Variants in BTBD7 observed in about 807,000 individuals in gnomAD.
BTBD7 encodes the protein BTB/POZ domain-containing protein 7.
BTBD7 carries 38 observed loss-of-function variants against 99.9 expected under a neutral mutation model. That is an observed-to-expected ratio of 0.38 (90% CI 0.29 to 0.50). The LOEUF (loss-of-function observed/expected upper bound fraction) is 0.50. Ranked by LOEUF, BTBD7 falls within the 20% of genes least tolerant of loss-of-function variation. The pLI is 0.93. For missense variants in BTBD7, 1,170 were observed against 1,394.6 expected (o/e 0.84, Z 2.57); for synonymous variants, 520 against 511.4 (o/e 1.02, Z -0.23).
chr14:93,294,960 G>GA, intron 2 of BTBD7, 23 bp from the exon 3 acceptor site: 1 of 1,509,856 alleles, frequency 6.6e-7, no homozygotes, highest in East Asian at 2.3e-5. Context: ...TTAAACAAAT[G>GA]AAAATTTATT....
At chr14:93,261,570 G>GT (rs1338535928) in intron 5 of BTBD7, 32 bp downstream of exon 5, 1 of 1,523,508 alleles carries the variant, frequency 6.6e-7, no homozygotes, top group Non-Finnish European at 9.1e-7. Context: ...TTTACACAAG[G>GT]TAACTAGTGC....
intron 2 of BTBD7, among the ~76,000 whole-genome samples, chr14:93,295,687 TATGTAC>T (rs2052916902): frequency 6.6e-6 from 1 of 152,170 alleles, no homozygotes; most frequent in Non-Finnish European, 1.5e-5. Context: ...ACACAGGAAA[TATGTAC>T]TTCGCTGTTT....
intron 3 of BTBD7, chr14:93,288,295 C>T: frequency 5.2e-6 from 3 of 571,438 alleles, no homozygotes; most frequent in South Asian, 2.4e-5. Flanking sequence ...GATGTTAGAC[C>T]CTGGATGAAT....
At chr14:93,327,768 T>C (rs1195169249) in intron 1 of BTBD7, among the ~76,000 whole-genome samples, 1 of 152,104 alleles carries the variant, frequency 6.6e-6, no homozygotes, top group Non-Finnish European at 1.5e-5. Flanking sequence ...GTACCGGAAG[T>C]CCTAGCTGAG....
chr14:93,245,442 G>A (rs1432670981), intron 10 of BTBD7, among the ~76,000 whole-genome samples: 7 of 152,210 alleles, frequency 4.6e-5, no homozygotes, highest in African/African-American at 9.6e-5. Flanking sequence ...TCCGATTAAA[G>A]CATGTGGTAG....
intron 1 of BTBD7, among the ~76,000 whole-genome samples, chr14:93,300,173 G>A (rs142853993): frequency 0.012 from 1,879 of 151,880 alleles, 23 homozygotes; most frequent in Non-Finnish European, 0.016. Context: ...TAAGAACGTC[G>A]AAACAGAGTT....
intron 3 of BTBD7, among the ~76,000 whole-genome samples, chr14:93,273,934 A>C (rs1219428746): frequency 6.6e-6 from 1 of 152,216 alleles, no homozygotes; most frequent in Admixed American, 6.5e-5. Flanking sequence ...GATGAGGTGC[A>C]AGGTCTGTGG....
At chr14:93,267,543 C>T (rs1158556054) in intron 3 of BTBD7, among the ~76,000 whole-genome samples, 7 of 152,216 alleles carry the variant, frequency 4.6e-5, no homozygotes, top group African/African-American at 1.7e-4. Flanking sequence ...GCCTTCACCT[C>T]ATTATATCCC....
At chr14:93,283,327 C>T (rs1306991045) in intron 3 of BTBD7, among the ~76,000 whole-genome samples, 2 of 152,200 alleles carry the variant, frequency 1.3e-5, no homozygotes, top group African/African-American at 2.4e-5. Context: ...ATCCATCCGC[C>T]ATGGCCTCCC....
At chr14:93,330,241 C>A (rs114504530) in intron 1 of BTBD7, among the ~76,000 whole-genome samples, 165 of 152,336 alleles carry the variant, frequency 1.1e-3, no homozygotes, top group African/African-American at 3.8e-3. Flanking sequence ...TCAAACTCTT[C>A]TACAGACAAA....
chr14:93,290,728 T>C (rs1236438232), intron 3 of BTBD7, among the ~76,000 whole-genome samples: 1 of 151,786 alleles, frequency 6.6e-6, no homozygotes, highest in Admixed American at 6.6e-5. Flanking sequence ...ACTCACTCTG[T>C]CGCCCAGGCT....
chr14:93,270,646 G>C (rs1227236822), intron 3 of BTBD7, among the ~76,000 whole-genome samples: 1 of 151,712 alleles, frequency 6.6e-6, no homozygotes, highest in Non-Finnish European at 1.5e-5. Context: ...AGTGAGCCGA[G>C]GTTGTGCCAC....
chr14:93,279,151 T>G lies in BTBD7; in HGVS notation c.1162+14707A>C, dbSNP rs113545498. Among the ~76,000 whole-genome samples, 321 of 152,298 alleles carry G rather than the reference T, an allele frequency of 2.1e-3. 5 individuals carry two copies. In the East Asian group the frequency reaches 0.023, roughly 11 times the overall value. ...AAAGAGAGCTTTTAGAAAATACAAA[T>G]GTAATCAGGCCACAAGATTTATGAT... On this transcript the variant is annotated intron_variant, in intron 3 of 10. Coordinates refer to ENST00000334746, the MANE Select transcript of BTBD7 (RefSeq NM_001002860.4).
Position 93,312,127 on chromosome 14 carries a change from TTAAG to T in BTBD7, c.-106-15974_-106-15971del, listed in dbSNP as rs760017483. ...TTCCCTACTATGAGCAATGCTGAAATTAAGTTAGTAACTTCCTTCTCCTGTCTCT... is the reference window on the plus strand; with the variant it reads ...TTCCCTACTATGAGCAATGCTGAAATTTAGTAACTTCCTTCTCCTGTCTCT... On this transcript the variant is annotated intron_variant, in intron 1 of 10. Transcript: ENST00000334746. Among the ~76,000 whole-genome samples, 108 of 152,318 alleles carry T rather than the reference TTAAG, an allele frequency of 7.1e-4. 2 individuals carry two copies. The highest frequency in any genetic ancestry group is 8.8e-5 in the Non-Finnish European group (6 of 68,032).
At chr14:93,278,541 T>A (rs1192105079) in intron 3 of BTBD7, among the ~76,000 whole-genome samples, 1 of 152,204 alleles carries the variant, frequency 6.6e-6, no homozygotes, top group Non-Finnish European at 1.5e-5. Context: ...CTCTTCCCCC[T>A]ACCTGTGGAA....
Position 93,241,148 on chromosome 14 carries a change from CTTT to C in BTBD7, c.*1122_*1124del, listed in dbSNP as rs36076608. 8.3e-4 allele frequency: 116 copies of C among 139,762 alleles called. No homozygotes were observed. Among genetic ancestry groups the C allele is most frequent in the Middle Eastern group, 3.7e-3 (1 of 268 alleles). 8.7% of individuals were successfully genotyped at this position (139,762 alleles called of 1,614,324 possible). A position where few individuals can be genotyped will look rare whatever the true frequency, so the allele number is the denominator to read the frequency against. On this transcript the variant is annotated 3_prime_UTR_variant, in exon 11 of 11. Coordinates refer to ENST00000334746, the MANE Select transcript of BTBD7 (RefSeq NM_001002860.4). ...TAAGTTACTTCTCTATTTCCACTGC[CTTT>C]TTTTTTTTTTTTGAGACAGGGTCTC...
Position 93,315,797 on chromosome 14 carries a change from T to C in BTBD7, c.-107+17023A>G, listed in dbSNP as rs115681767. Among the ~76,000 whole-genome samples, 1,425 of 152,316 alleles carry C rather than the reference T, an allele frequency of 9.4e-3. 28 individuals are homozygous for C. Among genetic ancestry groups the C allele is most frequent in the African/African-American group, 0.033 (1,365 of 41,568 alleles). On this transcript the variant is annotated intron_variant, in intron 1 of 10. Transcript: ENST00000334746. Reference sequence around the variant, plus strand: ...ATTGTATGGATATACCACATTGTATTTGATTTATTCATTCATCCATCCATC... The same window carrying C: ...ATTGTATGGATATACCACATTGTATCTGATTTATTCATTCATCCATCCATC...
At chr14:93,257,131 G>T in intron 6 of BTBD7, 64 bp downstream of exon 6, 1 of 1,507,042 alleles carries the variant, frequency 6.6e-7, no homozygotes, top group Non-Finnish European at 9.1e-7. Flanking sequence ...TATTTACAAT[G>T]AATAAAAACA....
rs768977072 is a variant in BTBD7 at position 93,242,260 on chromosome 14, T to G, written c.*13A>C. ...GTTTCACATCTCAGGCACAGACGAC[T>G]TGGAGGTTGCTCTCAGAGGGCAGAC... On this transcript the variant is annotated 3_prime_UTR_variant, in exon 11 of 11. Coordinates refer to ENST00000334746, the MANE Select transcript of BTBD7 (RefSeq NM_001002860.4). 7 of 1,608,962 alleles carry G rather than the reference T, an allele frequency of 4.4e-6. No homozygotes were observed. The South Asian group carries it at 6.6e-5, about 15-fold the overall frequency.
Sources: allele counts gnomAD v4.1 joint callset (sites outside exome capture counted in the v4.1 genomes callset), GRCh38; gene constraint gnomAD v4.1.1; transcripts MANE v1.5; gene names NCBI Gene and HGNC (gene_info 2026-07-23, HGNC 2026-07-21).